The following IQCH variants were observed in gnomAD, a reference collection of about 807,000 sequenced individuals.
The protein encoded by IQCH is IQ motif containing H, also known as IQ domain-containing protein H.
IQCH carries 98 observed loss-of-function variants against 117.0 expected under a neutral mutation model. The ratio of observed to expected loss-of-function variants is 0.84; its 90% CI spans 0.71 to 0.99. The LOEUF (loss-of-function observed/expected upper bound fraction) is 0.99. Among genes scored for constraint, IQCH ranks in the 50% least tolerant of loss-of-function variants. IQCH has a pLI of 0.00. For missense variants in IQCH, 1,102 were observed against 1,243.8 expected, an observed-to-expected ratio of 0.89 and a Z score of 1.72; for synonymous variants, 412 against 448.2, an observed-to-expected ratio of 0.92 and a Z score of 1.02.
chr15:67,288,764 G>A (rs976540155), intron 4 of IQCH, among the ~76,000 whole-genome samples: 10 of 152,070 alleles, frequency 6.6e-5, no homozygotes, highest in African/African-American at 1.7e-4. Flanking sequence ...TGATAACTAC[G>A]TTAGGTACTC....
At chr15:67,296,151 C>T (rs1966851002) in intron 4 of IQCH, among the ~76,000 whole-genome samples, 1 of 152,168 alleles carries the variant, frequency 6.6e-6, no homozygotes, top group Non-Finnish European at 1.5e-5. Context: ...GTTTCTAAAA[C>T]CTACTAGGCT....
At chr15:67,495,357 A>C (rs1344891542) in intron 20 of IQCH, among the ~76,000 whole-genome samples, 1 of 152,108 alleles carries the variant, frequency 6.6e-6, no homozygotes, top group Non-Finnish European at 1.5e-5. Flanking sequence ...CTCATTATTT[A>C]CTGGTTTTTG....
At position 67,500,321 on chromosome 15, in the gene IQCH, C is replaced by T. The variant is rs1567241572; in HGVS notation, c.2971-312C>T. Among the ~76,000 whole-genome samples the T allele has an allele frequency of 1.3e-5, 2 of 151,626 alleles. No individual in the cohort carries two copies. Among genetic ancestry groups the T allele is most frequent in the African/African-American group, 4.9e-5 (2 of 41,230 alleles). On this transcript the variant is annotated intron_variant, in intron 20 of 20. Transcript: ENST00000335894. This position sits in a 1 kb window ranked among gnomAD's most constrained non-coding sequence, Gnocchi z 4.4. ...GACTATCATGGATCAACATTTTTAA[C>T]AAAATAGAAGAAAATTTAATTACTA...
At chr15:67,363,134 C>T (rs930190406) in intron 8 of IQCH, among the ~76,000 whole-genome samples, 1 of 151,688 alleles carries the variant, frequency 6.6e-6, no homozygotes, top group African/African-American at 2.4e-5. Flanking sequence ...CTTCATTTAA[C>T]TTACCATCTT....
intron 6 of IQCH, among the ~76,000 whole-genome samples, chr15:67,352,933 GTCAAGTGT>G (rs1969727509): frequency 6.6e-6 from 1 of 152,084 alleles, no homozygotes; most frequent in Admixed American, 6.5e-5. Flanking sequence ...GGATCACGAG[GTCAAGTGT>G]TCAAGACCAG....
At chr15:67,321,877 T>C (rs983591380) in intron 4 of IQCH, among the ~76,000 whole-genome samples, 1 of 152,262 alleles carries the variant, frequency 6.6e-6, no homozygotes, top group Non-Finnish European at 1.5e-5. Flanking sequence ...ACTTATTTTA[T>C]GGCCTAGGAC....
chr15:67,355,328 T>C (rs977018819), intron 6 of IQCH, among the ~76,000 whole-genome samples: 3 of 152,160 alleles, frequency 2.0e-5, no homozygotes, highest in African/African-American at 7.2e-5. Context: ...GGCTCACGCC[T>C]GTAATGCCAG....
In IQCH at chr15:67,403,485, G is replaced by A. The variant is rs1971754522; in HGVS notation, c.2097+3180G>A. The A allele has an allele frequency of 6.6e-6, 1 of 152,014 alleles. No homozygotes were observed. Among genetic ancestry groups the A allele is most frequent in the Non-Finnish European group, 1.5e-5 (1 of 67,982 alleles). The allele number at this position is 152,014 out of a possible 1,614,324, so 9.4% of individuals were successfully genotyped here. On this transcript the variant is annotated intron_variant, in intron 14 of 20. Coordinates refer to ENST00000335894, the MANE Select transcript of IQCH (RefSeq NM_001031715.3). This position sits in a 1 kb window ranked among gnomAD's most constrained non-coding sequence, Gnocchi z 4.8. Reference sequence around the variant, plus strand: ...CTATCATTTTTTTCTTGGTGACTTGGTACCAAGCCTATTCTCTTCATCCTA... The same window carrying A: ...CTATCATTTTTTTCTTGGTGACTTGATACCAAGCCTATTCTCTTCATCCTA...
In IQCH at chr15:67,290,720, G is replaced by A. The variant is rs529596139; in HGVS notation, c.387+11208G>A. ...GAGATTTTATTTTGTAATTTTGAAG[G>A]CAATTAAATTGTGAAGGCAGTTTGT... On this transcript the variant is annotated intron_variant, in intron 4 of 20. Transcript: ENST00000335894. Among the ~76,000 whole-genome samples, 3 of 151,510 alleles carry A rather than the reference G, an allele frequency of 2.0e-5. No homozygotes were observed. The South Asian group carries it at 6.2e-4, about 31-fold the overall frequency.
intron 18 of IQCH, among the ~76,000 whole-genome samples, chr15:67,487,932 G>T (rs1201269067): frequency 6.6e-6 from 1 of 151,652 alleles, no homozygotes; most frequent in Non-Finnish European, 1.5e-5. Context: ...GGAGAAAACG[G>T]TTACAAGATA....
intron 18 of IQCH, among the ~76,000 whole-genome samples, chr15:67,484,520 G>A (rs762918499): frequency 7.9e-5 from 12 of 151,020 alleles, no homozygotes; most frequent in East Asian, 5.8e-4. Flanking sequence ...CACAAGGTCA[G>A]GAGTTTGAGA....
chr15:67,296,537 A>G (rs1410382633), intron 4 of IQCH, among the ~76,000 whole-genome samples: 1 of 152,144 alleles, frequency 6.6e-6, no homozygotes, highest in Non-Finnish European at 1.5e-5. Context: ...GCCATCATGC[A>G]GAAGATGGAT....
Position 67,486,042 on chromosome 15 carries a change from T to TC in IQCH, c.2800-3961_2800-3960insC, listed in dbSNP as rs1267653118. On this transcript the variant is annotated intron_variant, in intron 18 of 20. Coordinates refer to ENST00000335894, the MANE Select transcript of IQCH (RefSeq NM_001031715.3). ...TAAGACTGCTAGCTAAGTTTTCTTT[T>TC]TTTTTTTTTTTTTTTTGAGATAGAG... 3.3e-4 allele frequency among the ~76,000 whole-genome samples: 48 copies of TC among 145,288 alleles called. No individual in the cohort carries two copies. The South Asian group carries it at 4.5e-3, about 14-fold the overall frequency.
chr15:67,468,219 G>C (rs543165171), intron 17 of IQCH, among the ~76,000 whole-genome samples: 19 of 152,288 alleles, frequency 1.2e-4, no homozygotes, highest in African/African-American at 4.6e-4. Context: ...TGGTTGGTGA[G>C]TGTCCAAAAG....
intron 6 of IQCH, among the ~76,000 whole-genome samples, chr15:67,352,863 G>T (rs1969724327): frequency 6.6e-6 from 1 of 152,094 alleles, no homozygotes; most frequent in Non-Finnish European, 1.5e-5. Context: ...CTCATCCATT[G>T]TTTATATGCA....
rs1408271959 is a variant in IQCH, at chr15:67,479,895, C to T, written c.2799+4077C>T. Among the ~76,000 whole-genome samples the T allele has an allele frequency of 1.3e-5, 2 of 152,200 alleles. No homozygotes were observed. The highest frequency in any genetic ancestry group is 4.8e-5 in the African/African-American group (2 of 41,444). ...GGGGGAAAAAAGGGAAATGAGATCACTCTATGAGTTTATTTTTCCTTGACA... is the reference window on the plus strand; with the variant it reads ...GGGGGAAAAAAGGGAAATGAGATCATTCTATGAGTTTATTTTTCCTTGACA... On this transcript the variant is annotated intron_variant, in intron 18 of 20. Coordinates refer to ENST00000335894, the MANE Select transcript of IQCH (RefSeq NM_001031715.3). The surrounding 1 kb of genome is among the most constrained non-coding windows in gnomAD (Gnocchi z 4.6).
intron 4 of IQCH, among the ~76,000 whole-genome samples, chr15:67,293,354 G>T (rs970744372): frequency 5.9e-5 from 9 of 151,974 alleles, no homozygotes; most frequent in African/African-American, 2.2e-4. Context: ...TATTCGTGGG[G>T]GATTGGTCCC....
At chr15:67,275,158 G>A (rs1391656976) in intron 3 of IQCH, among the ~76,000 whole-genome samples, 1 of 152,180 alleles carries the variant, frequency 6.6e-6, no homozygotes, top group African/African-American at 2.4e-5. Flanking sequence ...GTCCCTTCAA[G>A]TACTCCTGAT....
In IQCH at chr15:67,432,306, C is replaced by T. The variant is rs1234058051; in HGVS notation, c.2505+10729C>T. Among the ~76,000 whole-genome samples the T allele has an allele frequency of 2.0e-5, 3 of 151,944 alleles. No homozygotes were observed. The highest frequency in any genetic ancestry group is 4.4e-5 in the Non-Finnish European group (3 of 67,998). On this transcript the variant is annotated intron_variant, in intron 16 of 20. Transcript: ENST00000335894. This position sits in a 1 kb window ranked among gnomAD's most constrained non-coding sequence, Gnocchi z 5.0. ...TGAAAATGGAGGCCCTGATATATAC[C>T]GCAGTATATCCCATAAAGTCTGAAA...
Sources: gnomAD v4.1 joint callset for allele counts (sites outside exome capture counted in the v4.1 genomes callset) on GRCh38, gnomAD v4.1.1 for gene constraint, Gnocchi (gnomAD v3.1) non-coding constraint, MANE v1.5 for transcripts, NCBI Gene and HGNC (gene_info 2026-07-23, HGNC 2026-07-21) for gene names.